Variants in AUTS2 observed in about 807,000 individuals in gnomAD.
AUTS2 encodes autism susceptibility gene 2 protein.
Under a neutral mutation model 112.4 loss-of-function variants are expected in AUTS2, and 17 were observed. The ratio of observed to expected loss-of-function variants is 0.15; its 90% CI spans 0.10 to 0.23. The LOEUF (loss-of-function observed/expected upper bound fraction) is 0.23, where lower values mean the gene tolerates loss of function less well. Ranked by LOEUF, AUTS2 falls within the 10% of genes least tolerant of loss-of-function variation. The probability of loss-of-function intolerance (pLI) is 1.00; values close to 1 mark genes in which losing one functional copy is unlikely to be tolerated. For missense variants in AUTS2, 1,510 were observed against 1,701.6 expected, an observed-to-expected ratio of 0.89 and a Z score of 1.98; for synonymous variants, 751 against 702.7, an observed-to-expected ratio of 1.07 and a Z score of -1.09.
intron 1 of AUTS2, among the ~76,000 whole-genome samples, chr7:69,621,627 C>G (rs1445991027): frequency 6.6e-6 from 1 of 152,112 alleles, no homozygotes; most frequent in Non-Finnish European, 1.5e-5. Context: ...ACTAACTGAA[C>G]TAAAAATTTA....
intron 5 of AUTS2, among the ~76,000 whole-genome samples, chr7:70,551,090 G>A (rs564194538): frequency 6.6e-6 from 1 of 152,212 alleles, no homozygotes; most frequent in East Asian, 1.9e-4. Context: ...TGGATAATTA[G>A]AGCAAAACAA....
At chr7:69,689,199 A>G (rs185617252) in intron 1 of AUTS2, among the ~76,000 whole-genome samples, 45 of 152,184 alleles carry the variant, frequency 3.0e-4, no homozygotes, top group African/African-American at 1.0e-3. Flanking sequence ...CATAAAGACT[A>G]CTGATAGTAA....
intron 2 of AUTS2, among the ~76,000 whole-genome samples, chr7:70,089,460 C>T (rs1043184241): frequency 2.0e-5 from 3 of 151,714 alleles, no homozygotes; most frequent in Non-Finnish European, 1.5e-5. Flanking sequence ...TTTTTTCATT[C>T]CTTTGCATTT....
rs780534086 is a variant in AUTS2 at position 69,984,545 on chromosome 7, C to T, written c.522+85047C>T. Among the ~76,000 whole-genome samples the T allele has an allele frequency of 4.6e-5, 7 of 151,326 alleles. 1 individual carries two copies. Among genetic ancestry groups the T allele is most frequent in the East Asian group, 1.9e-4 (1 of 5,156 alleles). On this transcript the variant is annotated intron_variant, in intron 2 of 18. Coordinates refer to ENST00000342771, the MANE Select transcript of AUTS2 (RefSeq NM_015570.4). ...CCAGTGAGCATGCATTTTTTTTTAC[C>T]GTCTTGATTGTATTATCATATTAGC... is the stretch of plus-strand genomic sequence containing the variant.
At chr7:70,777,940 T>C (rs1489232019) in intron 14 of AUTS2, among the ~76,000 whole-genome samples, 4 of 152,214 alleles carry the variant, frequency 2.6e-5, no homozygotes, top group African/African-American at 7.2e-5. Context: ...GGTAGAGTCA[T>C]GTGTGCCCTA....
At chr7:70,714,910 G>C (rs1184612338) in intron 6 of AUTS2, among the ~76,000 whole-genome samples, 1 of 152,196 alleles carries the variant, frequency 6.6e-6, no homozygotes, top group Non-Finnish European at 1.5e-5. Context: ...AGTAAGTTTA[G>C]GTTGTGGCAA....
At chr7:70,081,968 G>A (rs973298884) in intron 2 of AUTS2, among the ~76,000 whole-genome samples, 12 of 149,816 alleles carry the variant, frequency 8.0e-5, no homozygotes, top group Non-Finnish European at 1.0e-4. Context: ...GTGTGTGTGC[G>A]CGCGCCTGTG....
At chr7:70,118,568 T>A in intron 3 of AUTS2, 2 of 169,588 alleles carry the variant, frequency 1.2e-5, no homozygotes, top group Non-Finnish European at 2.5e-5. Context: ...CACCTGAGGT[T>A]GGAAGTTTGA....
chr7:70,649,854 G>C (rs1806400460), intron 5 of AUTS2, among the ~76,000 whole-genome samples: 1 of 152,170 alleles, frequency 6.6e-6, no homozygotes, highest in African/African-American at 2.4e-5. Context: ...GGTCAGCAGA[G>C]ATGATCTGTG....
chr7:70,784,593 T>A, intron 15 of AUTS2: 1 of 223,330 alleles, frequency 4.5e-6, no homozygotes, highest in Non-Finnish European at 8.7e-6. Context: ...TTTACTTGGT[T>A]ATAAAGCCTC....
intron 1 of AUTS2, among the ~76,000 whole-genome samples, chr7:69,769,471 A>G (rs909734865): frequency 3.3e-5 from 5 of 152,180 alleles, no homozygotes; most frequent in African/African-American, 1.2e-4. Context: ...AAATTCAATG[A>G]GATTAGCTAC....
intron 2 of AUTS2, among the ~76,000 whole-genome samples, chr7:70,079,186 A>G (rs1460604663): frequency 6.6e-6 from 1 of 152,172 alleles, no homozygotes; most frequent in African/African-American, 2.4e-5. Flanking sequence ...CCATCTGCCA[A>G]TGACAGTGAG....
At chr7:69,891,070 C>G (rs976372602) in intron 1 of AUTS2, among the ~76,000 whole-genome samples, 17 of 152,142 alleles carry the variant, frequency 1.1e-4, no homozygotes, top group African/African-American at 3.9e-4. Flanking sequence ...ACCCATGAAA[C>G]CACTGCCACA....
In AUTS2 at chr7:70,118,160, A is replaced by G. The variant is rs1805482651; in HGVS notation, c.551A>G (p.Asp184Gly). The G allele has an allele frequency of 5.6e-6, 9 of 1,611,948 alleles. No homozygotes were observed. The highest frequency in any genetic ancestry group is 7.6e-6 in the Non-Finnish European group (9 of 1,179,300). Residue 184 changes from aspartate to glycine, a missense_variant, in exon 3 of 19, where the codon GAC becomes GGC. This residue lies in a region of AUTS2 where 535 missense variants were observed against 594.3 expected (regional missense o/e 0.90). Coordinates refer to ENST00000342771, the MANE Select transcript of AUTS2 (RefSeq NM_015570.4). Reference protein sequence around the residue: ...QLKPGQNSCRDSDSESASGES... With the variant: ...QLKPGQNSCRGSDSESASGES... ...AAGCCAGGACAGAACAGCTGCAGGG[A>G]CAGTGACAGTGAAAGTGCCAGTGGA...
At chr7:70,538,078 ATT>A (rs1563025672) in intron 5 of AUTS2, among the ~76,000 whole-genome samples, 1 of 152,148 alleles carries the variant, frequency 6.6e-6, no homozygotes, top group Non-Finnish European at 1.5e-5. Context: ...TCTACAAAAA[ATT>A]TTAAAAACTA....
intron 2 of AUTS2, among the ~76,000 whole-genome samples, chr7:70,110,850 T>C (rs915937599): frequency 6.9e-6 from 1 of 145,982 alleles, no homozygotes; most frequent in African/African-American, 2.6e-5. Context: ...TACCTAACTT[T>C]CTTTCTTTCT....
At chr7:70,787,572 G>A in intron 18 of AUTS2, 141 bp downstream of exon 18, 1 of 630,594 alleles carries the variant, frequency 1.6e-6, no homozygotes, top group Admixed American at 2.9e-5. Flanking sequence ...CACAGCCAGT[G>A]CCCGCAGCCC....
At chr7:70,335,840 T>C (rs958724165) in intron 4 of AUTS2, among the ~76,000 whole-genome samples, 5 of 152,214 alleles carry the variant, frequency 3.3e-5, no homozygotes, top group African/African-American at 1.2e-4. Context: ...TCAAGCAGTA[T>C]TAATGAAGAA....
intron 2 of AUTS2, among the ~76,000 whole-genome samples, chr7:69,995,092 C>T (rs910530541): frequency 6.6e-6 from 1 of 152,064 alleles, no homozygotes; most frequent in Non-Finnish European, 1.5e-5. Flanking sequence ...AGAGTCTGGC[C>T]GTGTGTCAGG....
Sources: gnomAD v4.1 joint callset for allele counts (sites outside exome capture counted in the v4.1 genomes callset) on GRCh38, gnomAD v4.1.1 for gene constraint, gnomAD v4.1.1 regional missense constraint, MANE v1.5 for transcripts, NCBI Gene and HGNC (gene_info 2026-07-23, HGNC 2026-07-21) for gene names.